The following IQUB variants were observed in gnomAD, a reference collection of about 807,000 sequenced individuals.
IQUB encodes IQ motif and ubiquitin-like domain-containing protein.
A neutral mutation model predicts 86.4 loss-of-function variants in IQUB; 86 were observed. The observed-to-expected ratio is 1.00, with a 90% confidence interval of 0.84 to 1.19. The LOEUF (loss-of-function observed/expected upper bound fraction) is 1.19. Among genes scored for constraint, IQUB ranks in the 50% most tolerant of loss-of-function variants. The pLI is 0.00. For synonymous variants in IQUB, 289 were observed against 304.5 expected, an observed-to-expected ratio of 0.95 and a Z score of 0.53; for missense variants, 946 against 916.9, an observed-to-expected ratio of 1.03 and a Z score of -0.41.
intron 6 of IQUB, chr7:123,500,966 G>A (rs575444765): frequency 6.6e-6 from 1 of 152,108 alleles, no homozygotes; most frequent in East Asian, 1.9e-4. Flanking sequence ...TATCCATTTT[G>A]CCCTACTTTC....
At position 123,496,683 on chromosome 7, in the gene IQUB, G is replaced by C; in HGVS notation, c.1234+13C>G. The C allele has an allele frequency of 6.7e-7, 1 of 1,488,362 alleles. No homozygotes were observed. Among genetic ancestry groups the C allele is most frequent in the East Asian group, 2.3e-5 (1 of 42,858 alleles). The allele number at this position is 1,488,362 out of a possible 1,614,324, so 92.2% of individuals were successfully genotyped here. A position where few individuals can be genotyped will look rare whatever the true frequency, so the allele number is the denominator to read the frequency against. The stretch of plus-strand genomic sequence containing the variant: ...TTTAAAAATATTTTTTGCAAAGCCT[G>C]TGTCCAACTTACATTCTAATGCATT... On this transcript the variant is annotated intron_variant, in intron 7 of 12. Coordinates refer to ENST00000324698, the MANE Select transcript of IQUB (RefSeq NM_178827.5).
intron 9 of IQUB, among the ~76,000 whole-genome samples, chr7:123,465,551 T>C (rs560554906): frequency 1.3e-5 from 2 of 152,134 alleles, no homozygotes; most frequent in African/African-American, 4.8e-5. Context: ...CAATATTTTT[T>C]ATAAAGTAAT....
chr7:123,533,723 G>T (rs1000063963), intron 1 of IQUB, among the ~76,000 whole-genome samples: 8 of 152,218 alleles, frequency 5.3e-5, no homozygotes, highest in Admixed American at 1.3e-4. Flanking sequence ...TGTTACAGGT[G>T]TAACTACATA....
intron 3 of IQUB, among the ~76,000 whole-genome samples, chr7:123,505,469 G>A (rs1268471360): frequency 6.6e-6 from 1 of 152,176 alleles, no homozygotes; most frequent in Non-Finnish European, 1.5e-5. Flanking sequence ...TACATCCTCT[G>A]AAATCTAGGC....
At chr7:123,481,401 T>A (rs772699938) in intron 7 of IQUB, among the ~76,000 whole-genome samples, 1 of 152,094 alleles carries the variant, frequency 6.6e-6, no homozygotes, top group Non-Finnish European at 1.5e-5. Context: ...TAGAAGCTTC[T>A]ATACAAACTG....
intron 7 of IQUB, among the ~76,000 whole-genome samples, chr7:123,490,137 A>G (rs983788890): frequency 6.6e-6 from 1 of 151,996 alleles, no homozygotes; most frequent in African/African-American, 2.4e-5. Flanking sequence ...ATCCAGTTAT[A>G]TGTTGCCTAC....
intron 1 of IQUB, among the ~76,000 whole-genome samples, chr7:123,513,055 A>G (rs1796495561): frequency 6.6e-6 from 1 of 152,150 alleles, no homozygotes; most frequent in South Asian, 2.1e-4. Flanking sequence ...AGGAAGGGAA[A>G]ATAGGGAAGG....
chr7:123,488,141 C>T (rs532284461), intron 7 of IQUB, among the ~76,000 whole-genome samples: 7 of 151,600 alleles, frequency 4.6e-5, no homozygotes, highest in African/African-American at 1.5e-4. Context: ...GTCAGGAGAT[C>T]GAGACCACGG....
At chr7:123,513,016 A>G (rs895525946) in intron 1 of IQUB, among the ~76,000 whole-genome samples, 1 of 152,188 alleles carries the variant, frequency 6.6e-6, no homozygotes, top group East Asian at 1.9e-4. Flanking sequence ...CAAATGTCCA[A>G]TATAGCAGGG....
chr7:123,517,888 G>A (rs962557557), intron 1 of IQUB, among the ~76,000 whole-genome samples: 3 of 152,098 alleles, frequency 2.0e-5, no homozygotes, highest in African/African-American at 4.8e-5. Context: ...TGTGAACAAG[G>A]CCCCATTTAA....
At chr7:123,488,966 T>C (rs7791660) in intron 7 of IQUB, among the ~76,000 whole-genome samples, 123,399 of 152,122 alleles carry the variant, frequency 0.81, 50,101 homozygotes, top group Admixed American at 0.83. Context: ...AAAGAACTAG[T>C]CCTATAAGCA....
intron 7 of IQUB, among the ~76,000 whole-genome samples, chr7:123,491,002 CCTCAAAT>C (rs1795436717): frequency 6.7e-6 from 1 of 150,028 alleles, no homozygotes; most frequent in Admixed American, 6.6e-5. Context: ...AAACCTCAAA[CCTCAAAT>C]TATACAAAAT....
intron 8 of IQUB, among the ~76,000 whole-genome samples, chr7:123,478,510 T>C (rs1218584675): frequency 6.6e-6 from 1 of 152,096 alleles, no homozygotes; most frequent in Non-Finnish European, 1.5e-5. Flanking sequence ...ACATGGCACA[T>C]ATATACCTAT....
chr7:123,455,137 C>T (rs1247318559), intron 12 of IQUB, among the ~76,000 whole-genome samples: 1 of 151,682 alleles, frequency 6.6e-6, no homozygotes, highest in African/African-American at 2.4e-5. Context: ...AATAATTGTA[C>T]ATATTTACGG....
At chr7:123,487,646 C>T (rs377049095) in intron 7 of IQUB, among the ~76,000 whole-genome samples, 3 of 152,274 alleles carry the variant, frequency 2.0e-5, no homozygotes, top group African/African-American at 7.2e-5. Context: ...TTTTTTAAAA[C>T]ACAATTTCCA....
In IQUB at chr7:123,512,232, G is replaced by C; in HGVS notation, c.109C>G (p.Gln37Glu). ...VTIPVPSEEP[Q>E]ESDQTEEHES... ...TGCTCTTCAGTTTGATCTGACTCTT[G>C]AGGCTCTTCTGAGGGAACTGGAATA... Residue 37 changes from glutamine (Q) to glutamate (E), a missense_variant, in exon 2 of 13, where the codon CAA becomes GAA. By Grantham distance (29) the Gln-to-Glu change is conservative (BLOSUM62 2). Transcript: ENST00000324698. 1 of 1,613,812 alleles carries C rather than the reference G, an allele frequency of 6.2e-7. No homozygotes were observed. The highest frequency in any genetic ancestry group is 8.5e-7 in the Non-Finnish European group (1 of 1,179,870).
intron 6 of IQUB, chr7:123,501,858 T>G (rs2117199034): frequency 6.6e-6 from 1 of 152,294 alleles, no homozygotes; most frequent in African/African-American, 2.4e-5. Context: ...CTCCATATAT[T>G]CCTTTATTTG....
intron 1 of IQUB, among the ~76,000 whole-genome samples, chr7:123,515,412 GAAT>G (rs1443367044): frequency 2.6e-5 from 4 of 152,018 alleles, no homozygotes; most frequent in Non-Finnish European, 5.9e-5. Flanking sequence ...ACTATATAGA[GAAT>G]AATAAGAAAA....
At chr7:123,493,721 A>ATGTGTGTGTG (rs753344642) in intron 7 of IQUB, among the ~76,000 whole-genome samples, 57 of 128,402 alleles carry the variant, frequency 4.4e-4, no homozygotes, top group Admixed American at 1.5e-3. Context: ...CCTGAGAGAA[A>ATGTGTGTGTG]TGTGTGTGTA....
Sources: gnomAD v4.1 joint callset for allele counts (sites outside exome capture counted in the v4.1 genomes callset) on GRCh38, gnomAD v4.1.1 for gene constraint, MANE v1.5 for transcripts, NCBI Gene and HGNC (gene_info 2026-07-23, HGNC 2026-07-21) for gene names.